CDH8: variants seen among roughly 807,000 people sequenced by gnomAD.
CDH8 encodes the protein cadherin 8.
Under a neutral mutation model 68.1 loss-of-function variants are expected in CDH8, and 17 were observed. The ratio of observed to expected loss-of-function variants is 0.25; its 90% confidence interval spans 0.17 to 0.37. The LOEUF (loss-of-function observed/expected upper bound fraction) is 0.37. Ranked by LOEUF, CDH8 falls within the 10% of genes least tolerant of loss-of-function variation. The pLI, the probability that CDH8 is intolerant of heterozygous loss-of-function variation, is 1.00. For synonymous variants in CDH8, 372 were observed against 365.1 expected, an observed-to-expected ratio of 1.02 and a Z score of -0.21; for missense variants, 763 against 999.3, an observed-to-expected ratio of 0.76 and a Z score of 3.19.
chr16:61,928,940 G>A lies in CDH8; in HGVS notation c.253-27467C>T, dbSNP rs149904831. Among the ~76,000 whole-genome samples the A allele has an allele frequency of 6.1e-4, 93 of 152,200 alleles. 1 individual carries two copies. The East Asian group carries it at 0.015, about 24-fold the overall frequency. On this transcript the variant is annotated intron_variant, in intron 2 of 11. Transcript: ENST00000577390. ...TTGTTTTGATTTGAGATGGAGTCTC[G>A]TTCAGTTGCCCAGGCTGGAGTGCAG...
intron 2 of CDH8, among the ~76,000 whole-genome samples, chr16:61,923,502 A>G (rs1964407374): frequency 6.6e-6 from 1 of 152,108 alleles, no homozygotes; most frequent in Non-Finnish European, 1.5e-5. Flanking sequence ...GCTTCAGTGT[A>G]TGACCACAGG....
chr16:61,971,948 T>C (rs1190768862), intron 2 of CDH8, among the ~76,000 whole-genome samples: 1 of 152,072 alleles, frequency 6.6e-6, no homozygotes, highest in Admixed American at 6.5e-5. Context: ...AACTCGAAGA[T>C]TGGAGTGTAT....
chr16:61,856,398 A>G (rs915641999), intron 4 of CDH8, among the ~76,000 whole-genome samples: 1 of 152,190 alleles, frequency 6.6e-6, no homozygotes, highest in Non-Finnish European at 1.5e-5. Flanking sequence ...ATACTGTTAA[A>G]TTAAAACATT....
intron 3 of CDH8, 57 bp downstream of exon 3, chr16:61,901,122 C>T (rs1222298561): frequency 4.2e-6 from 6 of 1,423,270 alleles, no homozygotes; most frequent in Non-Finnish European, 5.9e-6. Context: ...TCCTTGATGC[C>T]AGGAGCTATT....
chr16:61,770,994 A>G (rs546737406), intron 8 of CDH8, among the ~76,000 whole-genome samples: 99 of 152,112 alleles, frequency 6.5e-4, no homozygotes, highest in African/African-American at 2.3e-3. Flanking sequence ...ACTGAGGACA[A>G]AAGCAATCAT....
intron 3 of CDH8, among the ~76,000 whole-genome samples, chr16:61,872,779 G>T (rs2143062927): frequency 6.6e-6 from 1 of 152,252 alleles, no homozygotes; most frequent in African/African-American, 2.4e-5. Context: ...GGGGGACTTA[G>T]AATTTTATTT....
At chr16:61,933,085 A>C (rs1257479822) in intron 2 of CDH8, among the ~76,000 whole-genome samples, 2 of 152,190 alleles carry the variant, frequency 1.3e-5, no homozygotes, top group Non-Finnish European at 2.9e-5. Flanking sequence ...ACTCCTAATA[A>C]CACTGAGAGT....
At chr16:61,815,202 A>G (rs1962044429) in intron 7 of CDH8, among the ~76,000 whole-genome samples, 1 of 152,180 alleles carries the variant, frequency 6.6e-6, no homozygotes, top group African/African-American at 2.4e-5. Flanking sequence ...AGCTTTCCTG[A>G]AAATGAAATG....
chr16:61,787,462 G>A (rs1212735723), intron 8 of CDH8, among the ~76,000 whole-genome samples: 1 of 139,524 alleles, frequency 7.2e-6, no homozygotes, highest in Non-Finnish European at 1.5e-5. Flanking sequence ...AGAGGATGTG[G>A]AGAAATAGGA....
chr16:61,891,159 A>G (rs1396332128), intron 3 of CDH8, among the ~76,000 whole-genome samples: 2 of 152,050 alleles, frequency 1.3e-5, no homozygotes, highest in African/African-American at 4.8e-5. Flanking sequence ...TTATCAACCT[A>G]AGATCCCAAA....
intron 8 of CDH8, among the ~76,000 whole-genome samples, chr16:61,759,438 T>G (rs1053640585): frequency 8.6e-5 from 13 of 151,164 alleles, no homozygotes; most frequent in Non-Finnish European, 1.3e-4. Context: ...ATAGCAGTAG[T>G]AGGAGGAGGA....
intron 4 of CDH8, among the ~76,000 whole-genome samples, chr16:61,847,026 A>T (rs1962820384): frequency 6.6e-6 from 1 of 152,120 alleles, no homozygotes; most frequent in African/African-American, 2.4e-5. Context: ...TGAATATGAC[A>T]AAAGATATAT....
At position 61,848,417 on chromosome 16, in the gene CDH8, A is replaced by G. The variant is rs79255071; in HGVS notation, c.667+8702T>C. Among the ~76,000 whole-genome samples, 103 of 152,236 alleles carry G rather than the reference A, an allele frequency of 6.8e-4. 1 individual carries two copies. In the East Asian group the frequency reaches 0.019, roughly 27 times the overall value. On this transcript the variant is annotated intron_variant, in intron 4 of 11. Coordinates refer to ENST00000577390, the MANE Select transcript of CDH8 (RefSeq NM_001796.5). ...ACTGGAAAGCTCCTTGTGAACTTCA[A>G]AAATGGTTTGTCCAAAGGTGCAAAT... is the stretch of plus-strand genomic sequence containing the variant.
chr16:62,033,597 A>T (rs1187501305), intron 1 of CDH8, among the ~76,000 whole-genome samples: 1 of 152,232 alleles, frequency 6.6e-6, no homozygotes, highest in Non-Finnish European at 1.5e-5. Context: ...TGTAAGAACC[A>T]ATTTGCAGGG....
At chr16:61,924,011 C>CA (rs140504879) in intron 2 of CDH8, among the ~76,000 whole-genome samples, 7 of 148,822 alleles carry the variant, frequency 4.7e-5, no homozygotes, top group Non-Finnish European at 7.5e-5. Flanking sequence ...GGGATGGGAC[C>CA]AAAAAAAAAC....
rs200028732 is a variant in CDH8 at position 61,960,377 on chromosome 16, A to G, written c.253-58904T>C. On this transcript the variant is annotated intron_variant, in intron 2 of 11. Transcript: ENST00000577390. ...TGTGTGTATACACATACATATATAC[A>G]TGTGTGTGTGTATACACATACATAT... 6.7e-3 allele frequency among the ~76,000 whole-genome samples: 420 copies of G among 62,662 alleles called. 100 individuals carry two copies. Among genetic ancestry groups the G allele is most frequent in the South Asian group, 0.011 (22 of 2,074 alleles). 41.1% of individuals were successfully genotyped at this position (62,662 alleles called of 152,430 possible). A position where few individuals can be genotyped will look rare whatever the true frequency, so the allele number is the denominator to read the frequency against.
At chr16:61,741,646 G>A (rs1959874769) in intron 8 of CDH8, among the ~76,000 whole-genome samples, 1 of 151,948 alleles carries the variant, frequency 6.6e-6, no homozygotes, top group Admixed American at 6.6e-5. Flanking sequence ...TGGCATCTTT[G>A]TTATAATTCA....
chr16:61,889,693 CA>C (rs1197198217), intron 3 of CDH8, among the ~76,000 whole-genome samples: 1 of 152,158 alleles, frequency 6.6e-6, no homozygotes, highest in African/African-American at 2.4e-5. Flanking sequence ...TATGTAATAA[CA>C]ATTTATACTA....
intron 2 of CDH8, among the ~76,000 whole-genome samples, chr16:61,950,012 T>G (rs1964865531): frequency 1.3e-5 from 2 of 151,190 alleles, no homozygotes; most frequent in Admixed American, 1.3e-4. Flanking sequence ...ATCCTAAGCT[T>G]CATGAACCAC....
Sources: gnomAD v4.1 joint callset for allele counts (sites outside exome capture counted in the v4.1 genomes callset) on GRCh38, gnomAD v4.1.1 for gene constraint, MANE v1.5 for transcripts, NCBI Gene and HGNC (gene_info 2026-07-23, HGNC 2026-07-21) for gene names.